CABCOCO1: variants seen among roughly 807,000 people sequenced by gnomAD.
The protein encoded by CABCOCO1 is ciliary-associated calcium-binding coiled-coil protein 1.
CABCOCO1 carries 28 observed loss-of-function variants against 35.7 expected under a neutral mutation model. The observed-to-expected ratio is 0.78, with a 90% CI of 0.58 to 1.07. The LOEUF is 1.07. CABCOCO1 is among the 50% of genes least tolerant of loss of function. The pLI, the probability that CABCOCO1 is intolerant of heterozygous loss-of-function variation, is 0.00. For synonymous variants in CABCOCO1, 95 were observed against 100.1 expected (o/e 0.95, Z 0.30); for missense variants, 326 against 309.2 (o/e 1.05, Z -0.41).
chr10:61,735,330 C>A (rs1194291058), intron 5 of CABCOCO1, among the ~76,000 whole-genome samples: 2 of 152,092 alleles, frequency 1.3e-5, no homozygotes, highest in Non-Finnish European at 2.9e-5. Context: ...AGTCTGAGAG[C>A]AGTTTTCTAT....
At chr10:61,671,485 C>T (rs1839359449) in intron 1 of CABCOCO1, among the ~76,000 whole-genome samples, 1 of 152,134 alleles carries the variant, frequency 6.6e-6, no homozygotes, top group Non-Finnish European at 1.5e-5. Flanking sequence ...TCAGCACTTC[C>T]TCCACCCAAA....
At chr10:61,664,650 T>C (rs1839109763) in intron 1 of CABCOCO1, among the ~76,000 whole-genome samples, 1 of 152,234 alleles carries the variant, frequency 6.6e-6, no homozygotes, top group African/African-American at 2.4e-5. Flanking sequence ...AACAGGGACT[T>C]AATTAGCAGT....
intron 5 of CABCOCO1, among the ~76,000 whole-genome samples, chr10:61,710,960 C>CA: frequency 6.6e-6 from 1 of 151,494 alleles, no homozygotes; most frequent in East Asian, 1.9e-4. Context: ...AAATCAATCA[C>CA]CAAAAACAAA....
At chr10:61,761,785 C>T (rs1842015294) in intron 7 of CABCOCO1, among the ~76,000 whole-genome samples, 1 of 151,964 alleles carries the variant, frequency 6.6e-6, no homozygotes, top group African/African-American at 2.4e-5. Context: ...AACATGAGAC[C>T]ATATATTAAA....
At chr10:61,749,593 G>T (rs955395294) in intron 5 of CABCOCO1, among the ~76,000 whole-genome samples, 2 of 152,172 alleles carry the variant, frequency 1.3e-5, no homozygotes, top group African/African-American at 4.8e-5. Context: ...ATCAGAGAAT[G>T]CCTGCTTTCA....
intron 2 of CABCOCO1, among the ~76,000 whole-genome samples, chr10:61,680,677 TGTTATACATGTATAACA>T (rs1564532749): frequency 7.3e-5 from 6 of 82,400 alleles, no homozygotes; most frequent in Admixed American, 1.4e-4. Flanking sequence ...ATAACATATA[TGTTATACATGTATAACA>T]TATATATGTT....
At chr10:61,688,018 G>T (rs10994876) in intron 4 of CABCOCO1, among the ~76,000 whole-genome samples, 35,270 of 151,944 alleles carry the variant, frequency 0.23, 4,301 homozygotes, top group African/African-American at 0.3. Context: ...CGGGGACTGA[G>T]AGGAGGGGCA....
intron 5 of CABCOCO1, among the ~76,000 whole-genome samples, chr10:61,691,628 T>C (rs1433685043): frequency 2.6e-5 from 4 of 152,140 alleles, no homozygotes; most frequent in South Asian, 2.1e-4. Flanking sequence ...TTTCTCCTAA[T>C]ACTATCCCTC....
At chr10:61,761,063 CTT>C (rs943015540) in intron 7 of CABCOCO1, 60 bp downstream of exon 7, 4 of 1,561,456 alleles carry the variant, frequency 2.6e-6, no homozygotes, top group Non-Finnish European at 3.5e-6. Context: ...CCAACCTTAA[CTT>C]TAATGTCTAT....
chr10:61,681,594 T>C, intron 3 of CABCOCO1, among the ~76,000 whole-genome samples: 1 of 152,114 alleles, frequency 6.6e-6, no homozygotes, highest in East Asian at 1.9e-4. Context: ...CTGAGGACTC[T>C]GTGGTATTCT....
At chr10:61,679,305 CTA>C (rs1312273849) in intron 2 of CABCOCO1, among the ~76,000 whole-genome samples, 28 of 125,186 alleles carry the variant, frequency 2.2e-4, no homozygotes, top group Admixed American at 3.4e-4. Context: ...ATATCTATAT[CTA>C]TATCTATATC....
At chr10:61,703,318 A>T (rs1460610190) in intron 5 of CABCOCO1, among the ~76,000 whole-genome samples, 1 of 151,450 alleles carries the variant, frequency 6.6e-6, no homozygotes, top group East Asian at 1.9e-4. Context: ...TATTCAAGGA[A>T]TTTTTTTCGC....
chr10:61,690,921 AC>A (rs1483144197), intron 5 of CABCOCO1, among the ~76,000 whole-genome samples: 3 of 152,156 alleles, frequency 2.0e-5, no homozygotes, highest in African/African-American at 4.8e-5. Context: ...TCAGAAAAAA[AC>A]AACTAGTAAT....
intron 5 of CABCOCO1, among the ~76,000 whole-genome samples, chr10:61,693,197 C>G (rs1021666195): frequency 6.6e-6 from 1 of 152,056 alleles, no homozygotes; most frequent in Non-Finnish European, 1.5e-5. Context: ...ACTGGGGCTT[C>G]AAGAATTAGG....
chr10:61,674,623 G>A (rs1839454639), intron 2 of CABCOCO1, among the ~76,000 whole-genome samples: 1 of 152,136 alleles, frequency 6.6e-6, no homozygotes, highest in South Asian at 2.1e-4. Context: ...CCAAGTGACA[G>A]AAAATCATAG....
At chr10:61,682,701 A>G (rs1055641755) in intron 3 of CABCOCO1, among the ~76,000 whole-genome samples, 2 of 152,164 alleles carry the variant, frequency 1.3e-5, no homozygotes, top group African/African-American at 4.8e-5. Flanking sequence ...TTTAATTCAC[A>G]TGCCAGCTTA....
At chr10:61,765,250 G>A (rs1589161284) in intron 7 of CABCOCO1, among the ~76,000 whole-genome samples, 1 of 152,068 alleles carries the variant, frequency 6.6e-6, no homozygotes, top group Non-Finnish European at 1.5e-5. Flanking sequence ...ACATTTCCAG[G>A]GCTACTAATG....
chr10:61,760,007 G>C, intron 5 of CABCOCO1, 52 bp from the exon 6 acceptor site: 1 of 1,605,802 alleles, frequency 6.2e-7, no homozygotes, highest in Non-Finnish European at 8.5e-7. Flanking sequence ...GACCGAAACT[G>C]TGGTTGCTCA....
intron 5 of CABCOCO1, among the ~76,000 whole-genome samples, chr10:61,703,227 GACACACACACACACACACAC>G (rs35152499): frequency 7.1e-6 from 1 of 141,490 alleles, no homozygotes; most frequent in Non-Finnish European, 1.5e-5. Flanking sequence ...CTTGTGAGGA[GACACACACACACACACACAC>G]ACACACACAC....
Sources: allele counts gnomAD v4.1 joint callset (sites outside exome capture counted in the v4.1 genomes callset), GRCh38; gene constraint gnomAD v4.1.1; transcripts MANE v1.5; gene names NCBI Gene and HGNC (gene_info 2026-07-23, HGNC 2026-07-21).